Variants in PPP2R5E observed in about 807,000 individuals in gnomAD.
PPP2R5E encodes protein phosphatase 2 regulatory subunit B'epsilon.
Under a neutral mutation model 65.3 loss-of-function variants are expected in PPP2R5E, and 4 were observed. That is an observed-to-expected ratio of 0.06 (90% confidence interval 0.03 to 0.14). The LOEUF is 0.14. PPP2R5E is among the 10% of genes least tolerant of loss of function. PPP2R5E has a pLI of 1.00. For synonymous variants in PPP2R5E, 183 were observed against 187.4 expected (o/e 0.98, Z 0.19); for missense variants, 274 against 556.1 (o/e 0.49, Z 5.10).
At chr14:63,523,103 C>T (rs1161461838) in intron 2 of PPP2R5E, among the ~76,000 whole-genome samples, 2 of 149,884 alleles carry the variant, frequency 1.3e-5, no homozygotes, top group Admixed American at 6.6e-5. Flanking sequence ...CAGCCCCCCG[C>T]CCGGCCAGCA....
chr14:63,480,789 G>A (rs1289877908), intron 2 of PPP2R5E, among the ~76,000 whole-genome samples: 1 of 152,052 alleles, frequency 6.6e-6, no homozygotes, highest in Non-Finnish European at 1.5e-5. Context: ...CCACCAGCCT[G>A]AAATCTTGTC....
At chr14:63,393,346 G>A (rs1299860546) in intron 8 of PPP2R5E, among the ~76,000 whole-genome samples, 1 of 151,916 alleles carries the variant, frequency 6.6e-6, no homozygotes, top group African/African-American at 2.4e-5. Context: ...ACTGTGCATA[G>A]AAAAAAAATG....
At chr14:63,393,765 G>GA in intron 8 of PPP2R5E, 55 bp downstream of exon 8, 2 of 1,248,714 alleles carry the variant, frequency 1.6e-6, no homozygotes, top group South Asian at 2.6e-5. Flanking sequence ...TCAAAAAAAC[G>GA]AGTTTGCAAA....
intron 3 of PPP2R5E, among the ~76,000 whole-genome samples, chr14:63,432,429 T>A (rs554164459): frequency 6.6e-6 from 1 of 152,282 alleles, no homozygotes; most frequent in Non-Finnish European, 1.5e-5. Context: ...CTGCCAACTG[T>A]ATGAAAGAAA....
intron 3 of PPP2R5E, among the ~76,000 whole-genome samples, chr14:63,425,183 T>C (rs1887264255): frequency 1.3e-5 from 2 of 152,206 alleles, no homozygotes; most frequent in Non-Finnish European, 2.9e-5. Flanking sequence ...AATGATCATG[T>C]GAGAATATGC....
intron 3 of PPP2R5E, among the ~76,000 whole-genome samples, chr14:63,434,844 A>C (rs1339922036): frequency 1.3e-5 from 2 of 152,092 alleles, no homozygotes; most frequent in East Asian, 3.8e-4. Context: ...CATTTTATTT[A>C]TTACTTCAAA....
chr14:63,534,927 T>C (rs888226640), intron 2 of PPP2R5E, among the ~76,000 whole-genome samples: 15 of 152,174 alleles, frequency 9.9e-5, no homozygotes, highest in Admixed American at 8.5e-4. Flanking sequence ...GCCTCAAAAA[T>C]GTTAAGGCTC....
intron 5 of PPP2R5E, among the ~76,000 whole-genome samples, chr14:63,399,870 T>TA (rs747055285): frequency 6.6e-6 from 1 of 152,186 alleles, no homozygotes; most frequent in Non-Finnish European, 1.5e-5. Context: ...CAGATATATG[T>TA]AAGTTTGACC....
At chr14:63,461,471 T>A (rs1248296993) in intron 2 of PPP2R5E, among the ~76,000 whole-genome samples, 1 of 151,884 alleles carries the variant, frequency 6.6e-6, no homozygotes, top group Non-Finnish European at 1.5e-5. Context: ...TAAAGAACGA[T>A]CATAGAATAA....
rs1179858728 is a variant in PPP2R5E, at chr14:63,374,235, C to T, written c.*1774G>A. 6.6e-6 allele frequency: 1 copy of T among 151,512 alleles called. No individual in the cohort carries two copies. The highest frequency in any genetic ancestry group is 1.5e-5 in the Non-Finnish European group (1 of 67,976). The allele number at this position is 151,512 out of a possible 1,614,324, so 9.4% of individuals were successfully genotyped here. On this transcript the variant is annotated 3_prime_UTR_variant, in exon 14 of 14. Transcript: ENST00000337537. ...CTTTATGGGGGAGAAAGGTCAGCAG[C>T]TTCTCTTTCTTTTTCTTGAAAATAA...
chr14:63,388,304 C>T (rs1297374134), intron 11 of PPP2R5E, among the ~76,000 whole-genome samples: 1 of 152,098 alleles, frequency 6.6e-6, no homozygotes, highest in Non-Finnish European at 1.5e-5. Context: ...CCACGTCCAG[C>T]TAATTTTTGT....
In PPP2R5E at chr14:63,458,522, T is replaced by G. The variant is rs17825063; in HGVS notation, c.158-4637A>C. On this transcript the variant is annotated intron_variant, in intron 2 of 13. Coordinates refer to ENST00000337537, the MANE Select transcript of PPP2R5E (RefSeq NM_006246.5). The stretch of plus-strand genomic sequence containing the variant: ...GTTGTTAAAAATCAGAACGTTAAAT[T>G]CACATTTGCAAATATGCCAGCCAAG... 8.0e-3 allele frequency among the ~76,000 whole-genome samples: 1,222 copies of G among 152,294 alleles called. 44 individuals are homozygous for G. The East Asian group carries it at 0.11, about 14-fold the overall frequency.
At chr14:63,479,531 GGTTT>G (rs532001603) in intron 2 of PPP2R5E, 7 of 152,092 alleles carry the variant, frequency 4.6e-5, no homozygotes, top group African/African-American at 9.7e-5. Context: ...TGAACTGACT[GGTTT>G]GTTTGTCTAC....
intron 2 of PPP2R5E, among the ~76,000 whole-genome samples, chr14:63,486,327 C>CACACACACACACAT (rs1204641238): frequency 6.9e-4 from 103 of 149,066 alleles, no homozygotes; most frequent in African/African-American, 2.4e-3. Flanking sequence ...CACACACACA[C>CACACACACACACAT]ATCCTTTAAA....
intron 2 of PPP2R5E, among the ~76,000 whole-genome samples, chr14:63,503,079 A>T (rs1423166908): frequency 6.6e-6 from 1 of 152,220 alleles, no homozygotes; most frequent in African/African-American, 2.4e-5. Context: ...AATATACAGG[A>T]ATGGTCCAAT....
At chr14:63,470,392 G>A (rs1361884460) in intron 2 of PPP2R5E, among the ~76,000 whole-genome samples, 2 of 128,648 alleles carry the variant, frequency 1.6e-5, no homozygotes, top group Non-Finnish European at 3.1e-5. Flanking sequence ...CCTACTTATA[G>A]CCCAGTTCCA....
At chr14:63,510,349 G>C (rs1892400502) in intron 2 of PPP2R5E, among the ~76,000 whole-genome samples, 2 of 152,202 alleles carry the variant, frequency 1.3e-5, no homozygotes, top group Admixed American at 1.3e-4. Flanking sequence ...ACCAGGCACT[G>C]TTCTAGGCAC....
intron 10 of PPP2R5E, among the ~76,000 whole-genome samples, chr14:63,390,171 C>T (rs1002112993): frequency 6.6e-6 from 1 of 152,018 alleles, no homozygotes; most frequent in African/African-American, 2.4e-5. Flanking sequence ...ACAGCCCCTG[C>T]TACATGCTCA....
chr14:63,377,159 T>TA (rs559232238), intron 13 of PPP2R5E, among the ~76,000 whole-genome samples: 10,232 of 133,656 alleles, frequency 0.077, 442 homozygotes, highest in East Asian at 0.24. Flanking sequence ...CAAAAAAAAA[T>TA]AAAAAAAAAA....
Sources: gnomAD v4.1 joint callset for allele counts (sites outside exome capture counted in the v4.1 genomes callset) on GRCh38, gnomAD v4.1.1 for gene constraint, MANE v1.5 for transcripts, NCBI Gene and HGNC (gene_info 2026-07-23, HGNC 2026-07-21) for gene names.